The following SLC12A4 variants were observed in gnomAD, a reference collection of about 807,000 sequenced individuals.
SLC12A4 encodes solute carrier family 12 member 4.
In SLC12A4, 84 loss-of-function variants were observed where a neutral mutation model predicts 119.2. The ratio of observed to expected loss-of-function variants is 0.70; its 90% CI spans 0.59 to 0.85. The LOEUF (loss-of-function observed/expected upper bound fraction) is 0.85. Among genes scored for constraint, SLC12A4 ranks in the 40% least tolerant of loss-of-function variants. The pLI is 0.00. For synonymous variants in SLC12A4, 599 were observed against 604.6 expected (o/e 0.99, Z 0.14); for missense variants, 1,298 against 1,476.3 (o/e 0.88, Z 1.98).
chr16:67,961,173 C>G (rs2030540485), intron 3 of SLC12A4, among the ~76,000 whole-genome samples: 1 of 152,236 alleles, frequency 6.6e-6, no homozygotes, highest in Admixed American at 6.5e-5. Context: ...TTGTCTAGCT[C>G]AGTCACCTTA....
rs2058410522 is a variant in SLC12A4 at position 67,951,143 on chromosome 16, T to C, written c.1294A>G (p.Thr432Ala). The change falls in exon 9 of 24, where the codon ACA becomes GCA. Residue 432 changes from threonine to alanine, a missense_variant. Thr to Ala is a moderately conservative substitution (Grantham distance 58, BLOSUM62 0). Transcript: ENST00000316341. This position sits in a 1 kb window ranked among gnomAD's most constrained non-coding sequence, Gnocchi z 5.2. ...TGGGTAGGCAGGCAGGGCTCACCTG[T>C]TACAGAAGGGAAGAAGATGCCGACC... The part of the protein sequence containing the change: ...VLVGIFFPSV[T>A]GIMAGSNRSG... 6.2e-7 allele frequency: 1 copy of C among 1,613,604 alleles called. No homozygotes were observed. The highest frequency in any genetic ancestry group is 1.3e-5 in the African/African-American group (1 of 74,862).
Position 67,949,817 on chromosome 16 carries a change from C to T in SLC12A4, c.1731G>A (p.Val577=). ...CAGCTCACATGGATAAGATGGGGGC[C>T]ACCATGTCGAGGGAGGCGATGAGGA... is the stretch of plus-strand genomic sequence containing the variant. ...LGILIASLDM[V]APILSMFFLM... is the part of the protein sequence containing the mutation. Residue 577 remains valine (V), a synonymous_variant, in exon 13 of 24, where the codon GTG becomes GTA. Coordinates refer to ENST00000316341, the MANE Select transcript of SLC12A4 (RefSeq NM_005072.5). This position sits in a 1 kb window ranked among gnomAD's most constrained non-coding sequence, Gnocchi z 4.6. 1 of 1,610,370 alleles carries T rather than the reference C, an allele frequency of 6.2e-7. No homozygotes were observed. The highest frequency in any genetic ancestry group is 8.5e-7 in the Non-Finnish European group (1 of 1,178,062).
chr16:67,946,646 C>T lies in SLC12A4; in HGVS notation c.2242-13G>A, dbSNP rs773891239. The stretch of plus-strand genomic sequence containing the variant: ...TGTTCTTGATGGTCTGTGGGGAACA[C>T]ACCCAGGGCCAATGGGAGGCCATCA... On this transcript the variant is annotated splice_polypyrimidine_tract_variant and intron_variant, in intron 17 of 23. Coordinates refer to ENST00000316341, the MANE Select transcript of SLC12A4 (RefSeq NM_005072.5). 2 of 1,599,454 alleles carry T rather than the reference C, an allele frequency of 1.3e-6. No homozygotes were observed. Among genetic ancestry groups the T allele is most frequent in the Non-Finnish European group, 1.7e-6 (2 of 1,169,602 alleles).
rs1206340381 is a variant in SLC12A4, at chr16:67,951,611, G to A, written c.1132+212C>T. ...GTGTCAGGGGCTGGTGGCTGGGGAA[G>A]ACAGGCTGCTGCAGGCCTTGGACGC... On this transcript the variant is annotated intron_variant, in intron 8 of 23. Transcript: ENST00000316341. The surrounding 1 kb of genome is among the most constrained non-coding windows in gnomAD (Gnocchi z 5.2). 4.9e-6 allele frequency: 3 copies of A among 614,304 alleles called. No individual in the cohort carries two copies. In the African/African-American group the frequency reaches 5.5e-5, roughly 11 times the overall value. The allele number at this position is 614,304 out of a possible 1,614,324, so 38.1% of individuals were successfully genotyped here.
Position 67,947,404 on chromosome 16 carries a change from C to T in SLC12A4, c.1999G>A (p.Gly667Ser), listed in dbSNP as rs1357350689. ...TAGCGGGCAGCGCTCAGGGACAGGCCTCGGATCCCGTCACCCCACTCCTTC... is the reference window on the plus strand; with the variant it reads ...TAGCGGGCAGCGCTCAGGGACAGGCTTCGGATCCCGTCACCCCACTCCTTC... Reference protein sequence around the residue: ...AEKEWGDGIRGLSLSAARYAL... With the variant: ...AEKEWGDGIRSLSLSAARYAL... Residue 667 changes from glycine to serine, a missense_variant, in exon 16 of 24, where the codon GGC (glycine) becomes AGC (serine). Transcript: ENST00000316341. 1.2e-6 allele frequency: 2 copies of T among 1,612,766 alleles called. No individual in the cohort carries two copies. The highest frequency in any genetic ancestry group is 2.2e-5 in the East Asian group (1 of 44,866).
At chr16:67,968,333 C>T (rs894615786) in intron 1 of SLC12A4, 106 bp downstream of exon 1, 8 of 994,748 alleles carry the variant, frequency 8.0e-6, no homozygotes, top group East Asian at 6.6e-5. Context: ...TCCGCACCGA[C>T]GTGTGCGCGC....
Position 67,952,248 on chromosome 16 carries a change from T to C in SLC12A4, c.853A>G (p.Ile285Val). Residue 285 changes from isoleucine to valine, a missense_variant, in exon 7 of 24, where the codon ATC becomes GTC. Coordinates refer to ENST00000316341, the MANE Select transcript of SLC12A4 (RefSeq NM_005072.5). ...GCATAGATGGAGAGGATGGAGATGATCACACAGGCCAGGAAGAGCGAGGCA... is the reference window on the plus strand; with the variant it reads ...GCATAGATGGAGAGGATGGAGATGACCACACAGGCCAGGAAGAGCGAGGCA... The part of the protein sequence containing the change: ...KFASLFLACV[I>V]ISILSIYAGG... 1 of 1,614,050 alleles carries C rather than the reference T, an allele frequency of 6.2e-7. No individual in the cohort carries two copies. Among genetic ancestry groups the C allele is most frequent in the African/African-American group, 1.3e-5 (1 of 75,008 alleles).
intron 5 of SLC12A4, among the ~76,000 whole-genome samples, chr16:67,956,070 G>A (rs1403424788): frequency 1.3e-5 from 2 of 150,062 alleles, no homozygotes; most frequent in East Asian, 2.0e-4. Flanking sequence ...CCAGCTACTC[G>A]GGCGGCTGAG....
In SLC12A4 at chr16:67,944,766, G is replaced by A; in HGVS notation, c.*74C>T. 2.6e-6 allele frequency: 4 copies of A among 1,564,746 alleles called. No individual in the cohort carries two copies. Among genetic ancestry groups the A allele is most frequent in the Middle Eastern group, 2.1e-4 (1 of 4,834 alleles). ...GGCTGGCAGGTGGGTGCTGGGAAGA[G>A]GCTGTTACCCCAGACCACAGCTTGT... is the stretch of plus-strand genomic sequence containing the variant. On this transcript the variant is annotated 3_prime_UTR_variant, in exon 24 of 24. Coordinates refer to ENST00000316341, the MANE Select transcript of SLC12A4 (RefSeq NM_005072.5). This position sits in a 1 kb window ranked among gnomAD's most constrained non-coding sequence, Gnocchi z 6.6.
chr16:67,951,325 C>A lies in SLC12A4; in HGVS notation c.1133-21G>T, dbSNP rs753579351. 1 of 1,604,522 alleles carries A rather than the reference C, an allele frequency of 6.2e-7. No individual in the cohort carries two copies. The highest frequency in any genetic ancestry group is 1.1e-5 in the South Asian group (1 of 90,292). On this transcript the variant is annotated intron_variant, in intron 8 of 23. Transcript: ENST00000316341. This position sits in a 1 kb window ranked among gnomAD's most constrained non-coding sequence, Gnocchi z 5.2. ...GTTTTCTGCAGGGGTAGCTGTGTCACCACCACAGCTGCCCCCCACTACCCC... is the reference window on the plus strand; with the variant it reads ...GTTTTCTGCAGGGGTAGCTGTGTCAACACCACAGCTGCCCCCCACTACCCC...
At chr16:67,953,163 G>A (rs368001403) in intron 6 of SLC12A4, among the ~76,000 whole-genome samples, 1 of 152,046 alleles carries the variant, frequency 6.6e-6, no homozygotes, top group African/African-American at 2.4e-5. Context: ...CTGGGAGGCC[G>A]ACTGCCTGAG....
Position 67,950,142 on chromosome 16 carries a change from T to C in SLC12A4, c.1629+177A>G. 7 of 762,760 alleles carry C rather than the reference T, an allele frequency of 9.2e-6. No individual in the cohort carries two copies. The highest frequency in any genetic ancestry group is 1.5e-5 in the Non-Finnish European group (7 of 481,338). 47.2% of individuals were successfully genotyped at this position (762,760 alleles called of 1,614,324 possible). ...CATGAAGATTCTGGGTCCAGGCAGC[T>C]CCAGGCCCAGGTGAGTGCCAGGCCC... On this transcript the variant is annotated intron_variant, in intron 12 of 23. Coordinates refer to ENST00000316341, the MANE Select transcript of SLC12A4 (RefSeq NM_005072.5). The surrounding 1 kb of genome is among the most constrained non-coding windows in gnomAD (Gnocchi z 4.3).
At chr16:67,955,779 T>A (rs1233801015) in intron 5 of SLC12A4, among the ~76,000 whole-genome samples, 3 of 151,784 alleles carry the variant, frequency 2.0e-5, no homozygotes, top group Admixed American at 6.6e-5. Context: ...CTCAGGAGGC[T>A]GAGGCAGGAG....
intron 2 of SLC12A4, 109 bp downstream of exon 2, chr16:67,963,356 G>C: frequency 3.1e-6 from 2 of 638,284 alleles, no homozygotes; most frequent in South Asian, 2.1e-5. Context: ...AGGAACACAA[G>C]AGGAGATGAG....
At chr16:67,966,869 A>T in intron 1 of SLC12A4, 1 of 1,526,162 alleles carries the variant, frequency 6.6e-7, no homozygotes, top group Non-Finnish European at 8.8e-7. Context: ...GCGGGGATCT[A>T]GCAGGACTCA....
rs2030973939 is a variant in SLC12A4 at position 67,968,614 on chromosome 16, GT to G, written c.-62del. On this transcript the variant is annotated 5_prime_UTR_variant, in exon 1 of 24. Transcript: ENST00000316341. Reference sequence around the variant, plus strand: ...GCCGCCCGCCGCTGTCCCCGCCGCTGTCCCCGCCGCCCCGGGCCGACACGCC... The same window carrying G: ...GCCGCCCGCCGCTGTCCCCGCCGCTGCCCCGCCGCCCCGGGCCGACACGCC... 3 of 1,347,080 alleles carry G rather than the reference GT, an allele frequency of 2.2e-6. No homozygotes were observed. Among genetic ancestry groups the G allele is most frequent in the Non-Finnish European group, 2.9e-6 (3 of 1,049,998 alleles). The allele number at this position is 1,347,080 out of a possible 1,614,324, so 83.4% of individuals were successfully genotyped here. A position where few individuals can be genotyped will look rare whatever the true frequency, so the allele number is the denominator to read the frequency against.
At chr16:67,958,960 T>C (rs2030421533) in intron 3 of SLC12A4, among the ~76,000 whole-genome samples, 1 of 152,118 alleles carries the variant, frequency 6.6e-6, no homozygotes, top group Non-Finnish European at 1.5e-5. Context: ...AGAATGTGCT[T>C]GTATATTTTG....
intron 3 of SLC12A4, among the ~76,000 whole-genome samples, chr16:67,959,624 T>A (rs886585638): frequency 3.9e-5 from 6 of 152,190 alleles, no homozygotes; most frequent in Admixed American, 2.6e-4. Context: ...CTGGGCTTTG[T>A]CTGAGCCCTT....
chr16:67,951,792 C>T lies in SLC12A4; in HGVS notation c.1132+31G>A, dbSNP rs1248103097. ...TGTGCCCCTGCTCAGCCTGTGGGCT[C>T]AAGAGCAAGACGACGGGAGGGAGGA... On this transcript the variant is annotated intron_variant, in intron 8 of 23. Transcript: ENST00000316341. The surrounding 1 kb of genome is among the most constrained non-coding windows in gnomAD (Gnocchi z 5.2). 6.4e-7 allele frequency: 1 copy of T among 1,573,092 alleles called. No homozygotes were observed. Among genetic ancestry groups the T allele is most frequent in the Non-Finnish European group, 8.7e-7 (1 of 1,154,858 alleles).
Sources: allele counts gnomAD v4.1 joint callset (sites outside exome capture counted in the v4.1 genomes callset), GRCh38; gene constraint gnomAD v4.1.1; non-coding constraint Gnocchi (gnomAD v3.1); transcripts MANE v1.5; gene names NCBI Gene and HGNC (gene_info 2026-07-23, HGNC 2026-07-21).